Variants in LNX1 observed in about 807,000 individuals in gnomAD.
LNX1 encodes the protein E3 ubiquitin-protein ligase LNX.
In LNX1, 54 loss-of-function variants were observed where a neutral mutation model predicts 68.4. The ratio of observed to expected loss-of-function variants is 0.79; its 90% CI spans 0.63 to 0.99. The LOEUF (loss-of-function observed/expected upper bound fraction) is 0.99. Ranked by LOEUF, LNX1 falls within the 50% of genes least tolerant of loss-of-function variation. LNX1 has a pLI of 0.00. For missense variants in LNX1, 906 were observed against 926.4 expected (o/e 0.98, Z 0.29); for synonymous variants, 336 against 350.0 (o/e 0.96, Z 0.45).
At chr4:53,575,952 G>T in intron 1 of LNX1, 1 of 1,564,306 alleles carries the variant, frequency 6.4e-7, no homozygotes, top group East Asian at 2.3e-5. Context: ...TGCCGCAGGA[G>T]TGGCTGGGTG....
chr4:53,525,454 T>C (rs780138825), intron 2 of LNX1, among the ~76,000 whole-genome samples: 3 of 152,036 alleles, frequency 2.0e-5, no homozygotes, highest in Non-Finnish European at 2.9e-5. Context: ...CACTGCAGAG[T>C]GGGTGACAGC....
chr4:53,483,915 AAATCCTAACCCACAACAC>A (rs1284260040), intron 6 of LNX1, among the ~76,000 whole-genome samples: 1 of 152,196 alleles, frequency 6.6e-6, no homozygotes, highest in African/African-American at 2.4e-5. Context: ...TCAGATGTTA[AAATCCTAACCCACAACAC>A]GGCAGCATTT....
chr4:53,615,340 A>G (rs1446568259), intron 2 of LNX1, among the ~76,000 whole-genome samples: 1 of 152,166 alleles, frequency 6.6e-6, no homozygotes, highest in African/African-American at 2.4e-5. Flanking sequence ...ACTCCCGTGA[A>G]TCTACCTGGG....
chr4:53,630,340 A>G (rs1445470162), intron 1 of LNX1, among the ~76,000 whole-genome samples: 1 of 152,128 alleles, frequency 6.6e-6, no homozygotes, highest in African/African-American at 2.4e-5. Flanking sequence ...CGGTGTTTTC[A>G]CAGTCATTTG....
chr4:53,627,620 T>C (rs1734127219), intron 1 of LNX1, among the ~76,000 whole-genome samples: 1 of 152,218 alleles, frequency 6.6e-6, no homozygotes, highest in East Asian at 1.9e-4. Context: ...AGAAAAATAA[T>C]TTTTAAATAA....
At chr4:53,576,093 C>A (rs1463145685) in intron 1 of LNX1, 1 of 1,551,644 alleles carries the variant, frequency 6.4e-7, no homozygotes, top group African/African-American at 1.4e-5. Context: ...GGGACTTGGC[C>A]AGCGTGGTAT....
rs774057158 is a variant in LNX1, at chr4:53,460,840, A to AAAT, written c.*64_*66dup. The AAAT allele has an allele frequency of 1.0e-4, 140 of 1,370,128 alleles. No homozygotes were observed. The highest frequency in any genetic ancestry group is 1.3e-4 in the Non-Finnish European group (133 of 993,476). 84.9% of individuals were successfully genotyped at this position (1,370,128 alleles called of 1,614,324 possible). A position where few individuals can be genotyped will look rare whatever the true frequency, so the allele number is the denominator to read the frequency against. On this transcript the variant is annotated 3_prime_UTR_variant, in exon 11 of 11. Transcript: ENST00000263925. ...CTTTAAATATAAAAACTGACAAGAT[A>AAAT]AATATAGTGTTTCAACTTCTTAGCC...
intron 2 of LNX1, among the ~76,000 whole-genome samples, chr4:53,546,854 G>A (rs1425172839): frequency 1.3e-5 from 2 of 152,218 alleles, no homozygotes; most frequent in Non-Finnish European, 2.9e-5. Context: ...GAGACTGGCA[G>A]ATGTGGTAAA....
At chr4:53,488,110 C>A (rs1374397998) in intron 6 of LNX1, among the ~76,000 whole-genome samples, 1 of 152,210 alleles carries the variant, frequency 6.6e-6, no homozygotes, top group Non-Finnish European at 1.5e-5. Flanking sequence ...TTCTCTATAG[C>A]CTATAATTCA....
intron 1 of LNX1, among the ~76,000 whole-genome samples, chr4:53,644,653 C>T (rs565107915): frequency 9.9e-5 from 15 of 152,238 alleles, no homozygotes; most frequent in African/African-American, 1.4e-4. Flanking sequence ...CAGGAGGGAG[C>T]GGGATTCCAT....
intron 2 of LNX1, among the ~76,000 whole-genome samples, chr4:53,612,952 T>TG (rs1233027013): frequency 1.3e-5 from 2 of 151,758 alleles, no homozygotes; most frequent in African/African-American, 4.8e-5. Context: ...TATCGTTGAA[T>TG]GAGTAAAGCA....
At chr4:53,565,090 C>A (rs991927585) in intron 2 of LNX1, among the ~76,000 whole-genome samples, 16 of 152,038 alleles carry the variant, frequency 1.1e-4, no homozygotes, top group Admixed American at 3.9e-4. Context: ...TACCATTGCC[C>A]AGGCTTGATT....
chr4:53,516,743 A>T (rs1336954483), intron 2 of LNX1, among the ~76,000 whole-genome samples: 2 of 152,184 alleles, frequency 1.3e-5, no homozygotes, highest in African/African-American at 4.8e-5. Context: ...TGCTGGGGAT[A>T]AACCCAGGAT....
chr4:53,504,790 G>A (rs1579427737), intron 4 of LNX1, among the ~76,000 whole-genome samples: 1 of 152,278 alleles, frequency 6.6e-6, no homozygotes, highest in East Asian at 1.9e-4. Context: ...GGAATACGGA[G>A]GCCCAAGAAG....
intron 2 of LNX1, among the ~76,000 whole-genome samples, chr4:53,554,161 A>G (rs138403769): frequency 7.6e-4 from 116 of 152,320 alleles, no homozygotes; most frequent in African/African-American, 2.7e-3. Context: ...AAGCATTTGC[A>G]GTTCTGTCCA....
upstream of LNX1, among the ~76,000 whole-genome samples, chr4:53,617,846 A>G (rs1449055635): frequency 1.3e-5 from 2 of 152,220 alleles, no homozygotes; most frequent in Non-Finnish European, 2.9e-5. Context: ...ATGCTCTATT[A>G]TTTGTTAACC....
intron 2 of LNX1, among the ~76,000 whole-genome samples, chr4:53,552,648 G>T (rs1157086390): frequency 1.3e-5 from 2 of 152,026 alleles, no homozygotes; most frequent in Non-Finnish European, 2.9e-5. Flanking sequence ...GACCAATATG[G>T]TGAAACCCCA....
At chr4:53,495,950 G>A (rs1725020089) in intron 6 of LNX1, 73 bp downstream of exon 6, 3 of 1,534,634 alleles carry the variant, frequency 2.0e-6, no homozygotes, top group Admixed American at 3.7e-5. Flanking sequence ...CAGGGTGCCT[G>A]GTTCAGGGGG....
rs764676710 is a variant in LNX1, at chr4:53,461,589, A to AG, written c.1896dup (p.Tyr634ValfsTer2). The AG allele has an allele frequency of 2.5e-6, 4 of 1,608,916 alleles. No individual in the cohort carries two copies. Among genetic ancestry groups the AG allele is most frequent in the Non-Finnish European group, 3.4e-6 (4 of 1,176,740 alleles). On this transcript the variant is annotated frameshift_variant, in exon 10 of 11. Coordinates refer to ENST00000263925, the MANE Select transcript of LNX1 (RefSeq NM_001126328.3). LOFTEE classifies it high-confidence loss of function. Reference sequence around the variant, plus strand: ...AATACAATATCTTTACAGTTATACAAGCACCTGAAATAGAATGTAATCAGT... The same window carrying AG: ...AATACAATATCTTTACAGTTATACAAGGCACCTGAAATAGAATGTAATCAGT...
Sources: allele counts gnomAD v4.1 joint callset (sites outside exome capture counted in the v4.1 genomes callset), GRCh38; gene constraint gnomAD v4.1.1; transcripts MANE v1.5; gene names NCBI Gene and HGNC (gene_info 2026-07-23, HGNC 2026-07-21).